RARB: variants seen among roughly 807,000 people sequenced by gnomAD.
RARB encodes the protein HBV-activated protein.
In RARB, 17 loss-of-function variants were observed where a neutral mutation model predicts 51.9. The ratio of observed to expected loss-of-function variants is 0.33; its 90% CI spans 0.22 to 0.49. The LOEUF (loss-of-function observed/expected upper bound fraction) is 0.49, where lower values mean the gene tolerates loss of function less well. Among genes scored for constraint, RARB ranks in the 20% least tolerant of loss-of-function variants. The probability of loss-of-function intolerance (pLI) is 0.99; values close to 1 mark genes in which losing one functional copy is unlikely to be tolerated. For missense variants in RARB, 369 were observed against 550.8 expected (o/e 0.67, Z 3.30); for synonymous variants, 215 against 195.4 (o/e 1.10, Z -0.84).
chr3:25,282,370 A>C (rs767607254), intron 5 of RARB, among the ~76,000 whole-genome samples: 2 of 152,188 alleles, frequency 1.3e-5, no homozygotes, highest in South Asian at 2.1e-4. Flanking sequence ...TCATTCTTCA[A>C]ATGTCACCTT....
intron 1 of RARB, among the ~76,000 whole-genome samples, chr3:25,459,813 T>G (rs1443692082): frequency 6.6e-6 from 1 of 152,212 alleles, no homozygotes; most frequent in Non-Finnish European, 1.5e-5. Context: ...AAATACACTG[T>G]GTATTAAAAA....
intron 5 of RARB, among the ~76,000 whole-genome samples, chr3:25,208,647 T>C (rs1701619270): frequency 6.6e-6 from 1 of 152,162 alleles, no homozygotes; most frequent in African/African-American, 2.4e-5. Context: ...CACTGCACCA[T>C]ACATTTGGCC....
At chr3:25,249,681 ATTTTT>A (rs775744919) in intron 5 of RARB, among the ~76,000 whole-genome samples, 1 of 95,284 alleles carries the variant, frequency 1.0e-5, no homozygotes, top group Non-Finnish European at 2.1e-5. Context: ...TCTCTGTATG[ATTTTT>A]TTTTTTTTTT....
At chr3:25,159,154 C>CT (rs397874262) in intron 4 of RARB, among the ~76,000 whole-genome samples, 4,728 of 65,326 alleles carry the variant, frequency 0.072, 644 homozygotes, top group Non-Finnish European at 0.091. Context: ...TCCAAATTGT[C>CT]TTTTTTTTTT....
chr3:25,260,404 A>G (rs980529287), intron 5 of RARB, among the ~76,000 whole-genome samples: 3 of 152,182 alleles, frequency 2.0e-5, no homozygotes, highest in Non-Finnish European at 4.4e-5. Context: ...AAACCAAGCA[A>G]CTGAAGAGTT....
At chr3:25,364,334 A>T (rs1361712332) in intron 5 of RARB, among the ~76,000 whole-genome samples, 1 of 152,142 alleles carries the variant, frequency 6.6e-6, no homozygotes, top group Non-Finnish European at 1.5e-5. Context: ...AAAAAAATGG[A>T]GGTGGTAAGC....
At chr3:24,906,347 G>A (rs1398060242) in intron 2 of RARB, among the ~76,000 whole-genome samples, 1 of 152,162 alleles carries the variant, frequency 6.6e-6, no homozygotes, top group Non-Finnish European at 1.5e-5. Context: ...AGCAGATGCA[G>A]GCAGAATGAA....
intron 5 of RARB, among the ~76,000 whole-genome samples, chr3:25,584,037 T>C (rs989396648): frequency 1.3e-5 from 2 of 152,064 alleles, no homozygotes; most frequent in African/African-American, 4.8e-5. Flanking sequence ...ACCTGCCTCT[T>C]CTCCTCTGCA....
chr3:25,378,598 T>G (rs564410954), intron 5 of RARB, among the ~76,000 whole-genome samples: 14 of 152,342 alleles, frequency 9.2e-5, no homozygotes, highest in African/African-American at 2.6e-4. Flanking sequence ...GCTATCATCA[T>G]AAAACCCAAC....
intron 4 of RARB, among the ~76,000 whole-genome samples, chr3:25,580,206 C>T (rs935308338): frequency 6.6e-6 from 1 of 152,130 alleles, no homozygotes; most frequent in Non-Finnish European, 1.5e-5. Flanking sequence ...AACCCTGGCT[C>T]TGCTAAAAAT....
Position 25,051,487 on chromosome 3 carries a change from A to G in RARB, c.-379-8638A>G, listed in dbSNP as rs192022939. Among the ~76,000 whole-genome samples the G allele has an allele frequency of 1.1e-3, 162 of 152,286 alleles. 1 individual carries two copies. Among genetic ancestry groups the G allele is most frequent in the African/African-American group, 3.6e-3 (149 of 41,570 alleles). On this transcript the variant is annotated intron_variant, in intron 2 of 11. Transcript: ENST00000383772. ...TATGTGCATAAAAATAGAAGAGAGG[A>G]GAATAAGATTATTTGCAAAGATCAA...
chr3:24,937,332 G>A (rs969453697), intron 2 of RARB, among the ~76,000 whole-genome samples: 1 of 152,128 alleles, frequency 6.6e-6, no homozygotes, highest in African/African-American at 2.4e-5. Context: ...ATGCTGGAGA[G>A]GGGCCATCAA....
At chr3:24,889,555 C>T (rs1389168819) in intron 2 of RARB, among the ~76,000 whole-genome samples, 3 of 152,012 alleles carry the variant, frequency 2.0e-5, no homozygotes, top group East Asian at 1.9e-4. Flanking sequence ...AATTTTGGTG[C>T]TCGTGGAATC....
At chr3:24,947,470 G>A (rs1296924564) in intron 2 of RARB, among the ~76,000 whole-genome samples, 1 of 152,218 alleles carries the variant, frequency 6.6e-6, no homozygotes, top group Non-Finnish European at 1.5e-5. Context: ...AGTAGAACGT[G>A]TGTAAATCAT....
intron 3 of RARB, among the ~76,000 whole-genome samples, chr3:25,068,082 C>T (rs765584764): frequency 3.3e-5 from 4 of 121,986 alleles, no homozygotes; most frequent in South Asian, 2.8e-4. Flanking sequence ...TGCAGTGAGA[C>T]GAGATTGCAC....
At chr3:25,231,686 T>G (rs1702180854) in intron 5 of RARB, among the ~76,000 whole-genome samples, 1 of 152,318 alleles carries the variant, frequency 6.6e-6, no homozygotes, top group South Asian at 2.1e-4. Context: ...CCGATAAAAT[T>G]GAGCATGGTT....
intron 2 of RARB, among the ~76,000 whole-genome samples, chr3:24,965,467 A>G (rs1225944348): frequency 1.3e-5 from 2 of 152,164 alleles, no homozygotes; most frequent in Non-Finnish European, 2.9e-5. Flanking sequence ...AAAGAAGAAT[A>G]GATTTGGAAT....
intron 5 of RARB, among the ~76,000 whole-genome samples, chr3:25,215,602 T>C (rs2125381159): frequency 6.6e-6 from 1 of 152,286 alleles, no homozygotes; most frequent in South Asian, 2.1e-4. Flanking sequence ...CCTGAGGAAC[T>C]TCATGGGACC....
intron 5 of RARB, among the ~76,000 whole-genome samples, chr3:25,227,039 A>C (rs2125387870): frequency 6.6e-6 from 1 of 152,334 alleles, no homozygotes; most frequent in African/African-American, 2.4e-5. Flanking sequence ...TTCGAGTTGT[A>C]GTCCACTATT....
Sources: allele counts gnomAD v4.1 joint callset (sites outside exome capture counted in the v4.1 genomes callset), GRCh38; gene constraint gnomAD v4.1.1; transcripts MANE v1.5; gene names NCBI Gene and HGNC (gene_info 2026-07-23, HGNC 2026-07-21).